RUNX2: variants seen among roughly 807,000 people sequenced by gnomAD.
The protein encoded by RUNX2 is runt-related transcription factor 2.
In RUNX2, 10 loss-of-function variants were observed where a neutral mutation model predicts 51.7. The observed-to-expected ratio is 0.19, with a 90% CI of 0.12 to 0.33. The LOEUF is 0.33. RUNX2 is among the 10% of genes least tolerant of loss of function. RUNX2 has a pLI of 1.00. For synonymous variants in RUNX2, 276 were observed against 273.6 expected (o/e 1.01, Z -0.09); for missense variants, 562 against 691.3 (o/e 0.81, Z 2.10).
At chr6:45,397,326 G>T (rs1328308637) in intron 2 of RUNX2, among the ~76,000 whole-genome samples, 2 of 151,672 alleles carry the variant, frequency 1.3e-5, no homozygotes, top group Admixed American at 6.6e-5. Context: ...AGCCAGGATG[G>T]TCTCGATCTC....
At chr6:45,346,361 G>T (rs1790858393) in intron 2 of RUNX2, among the ~76,000 whole-genome samples, 1 of 152,036 alleles carries the variant, frequency 6.6e-6, no homozygotes, top group Non-Finnish European at 1.5e-5. Context: ...AAACGAAGAA[G>T]GGTGAGAGGG....
chr6:45,380,446 A>G (rs574736179), intron 2 of RUNX2, among the ~76,000 whole-genome samples: 1 of 152,374 alleles, frequency 6.6e-6, no homozygotes, highest in Admixed American at 6.5e-5. Flanking sequence ...GCAAAGAGAA[A>G]GTGCATGTAT....
At chr6:45,372,565 T>C (rs1348593517) in intron 2 of RUNX2, among the ~76,000 whole-genome samples, 1 of 152,224 alleles carries the variant, frequency 6.6e-6, no homozygotes, top group Non-Finnish European at 1.5e-5. Flanking sequence ...GTTATTTTAG[T>C]TTATAAAGTA....
intron 2 of RUNX2, among the ~76,000 whole-genome samples, chr6:45,372,270 T>G (rs189414072): frequency 1.3e-5 from 2 of 152,190 alleles, no homozygotes; most frequent in East Asian, 3.9e-4. Flanking sequence ...ATAGGTTACA[T>G]AAAATAACAT....
intron 2 of RUNX2, chr6:45,365,368 A>G: frequency 9.3e-7 from 1 of 1,071,040 alleles, no homozygotes; most frequent in Non-Finnish European, 1.4e-6. Flanking sequence ...AAAAAAAAAG[A>G]AAGCAAATAT....
intron 2 of RUNX2, among the ~76,000 whole-genome samples, chr6:45,384,920 T>C (rs1230597360): frequency 6.6e-6 from 1 of 151,870 alleles, no homozygotes; most frequent in African/African-American, 2.4e-5. Context: ...CCCAAGCTGA[T>C]CTCAAACCCC....
chr6:45,425,424 A>C (rs1386648580), intron 3 of RUNX2, among the ~76,000 whole-genome samples: 5 of 152,246 alleles, frequency 3.3e-5, no homozygotes, highest in African/African-American at 9.6e-5. Context: ...AATCACACAG[A>C]GTACATTTTT....
chr6:45,349,701 T>A (rs554370925), intron 2 of RUNX2, among the ~76,000 whole-genome samples: 3 of 152,248 alleles, frequency 2.0e-5, no homozygotes, highest in Admixed American at 6.5e-5. Context: ...ATTTCATCAT[T>A]AAAATTATAT....
chr6:45,476,717 A>G (rs1369873582), intron 5 of RUNX2, among the ~76,000 whole-genome samples: 1 of 152,226 alleles, frequency 6.6e-6, no homozygotes, highest in Admixed American at 6.5e-5. Context: ...GCGACCTGGT[A>G]TATAAAATTA....
chr6:45,486,749 A>G (rs951788843), intron 5 of RUNX2, among the ~76,000 whole-genome samples: 1 of 152,156 alleles, frequency 6.6e-6, no homozygotes, highest in Non-Finnish European at 1.5e-5. Context: ...AGAGAATGTA[A>G]GTTTCTGGCT....
At chr6:45,399,026 A>T (rs895265120) in intron 2 of RUNX2, among the ~76,000 whole-genome samples, 10 of 152,236 alleles carry the variant, frequency 6.6e-5, no homozygotes, top group African/African-American at 2.4e-4. Context: ...ATTTCTAGTT[A>T]GGGATAAAAA....
At chr6:45,376,440 T>C (rs1796785085) in intron 2 of RUNX2, among the ~76,000 whole-genome samples, 1 of 152,232 alleles carries the variant, frequency 6.6e-6, no homozygotes, top group Admixed American at 6.5e-5. Flanking sequence ...TTTATTAATT[T>C]ATGAATAAAA....
intron 2 of RUNX2, among the ~76,000 whole-genome samples, chr6:45,343,481 C>T (rs1021605015): frequency 4.6e-5 from 7 of 152,154 alleles, no homozygotes; most frequent in Non-Finnish European, 7.4e-5. Context: ...CTCCAAAAGG[C>T]AGCTTTTCAA....
intron 6 of RUNX2, among the ~76,000 whole-genome samples, chr6:45,493,191 A>T (rs998804212): frequency 6.6e-6 from 1 of 152,200 alleles, no homozygotes; most frequent in Non-Finnish European, 1.5e-5. Flanking sequence ...TTTAGTCGGA[A>T]TGTATGAGTT....
intron 2 of RUNX2, among the ~76,000 whole-genome samples, chr6:45,342,065 AC>A (rs79663736): frequency 0.11 from 17,017 of 152,148 alleles, 1,347 homozygotes; most frequent in East Asian, 0.26. Flanking sequence ...AAAGAAACTA[AC>A]AGAAGAATTT....
Position 45,531,884 on chromosome 6 carries a change from T to C in RUNX2, c.1022-13333T>C, listed in dbSNP as rs117115316. Among the ~76,000 whole-genome samples the C allele has an allele frequency of 6.2e-4, 94 of 152,334 alleles. 1 individual carries two copies. In the East Asian group the frequency reaches 0.018, roughly 28 times the overall value. On this transcript the variant is annotated intron_variant, in intron 7 of 8. Transcript: ENST00000647337. ...GATACAAAAAATCATTTATTTAACTTTGGATAATTCAGATCAAACAATTTG... is the reference window on the plus strand; with the variant it reads ...GATACAAAAAATCATTTATTTAACTCTGGATAATTCAGATCAAACAATTTG...
At chr6:45,410,770 A>G (rs1797932825) in intron 2 of RUNX2, among the ~76,000 whole-genome samples, 1 of 152,138 alleles carries the variant, frequency 6.6e-6, no homozygotes, top group Non-Finnish European at 1.5e-5. Flanking sequence ...AGCCTTGGGA[A>G]CCTACATGTT....
chr6:45,399,504 C>T (rs113214603), intron 2 of RUNX2, among the ~76,000 whole-genome samples: 31 of 151,638 alleles, frequency 2.0e-4, no homozygotes, highest in African/African-American at 6.3e-4. Flanking sequence ...AGATTACAGG[C>T]GTGCACCACC....
chr6:45,510,051 CTT>C (rs751488682), intron 6 of RUNX2, among the ~76,000 whole-genome samples: 2 of 152,190 alleles, frequency 1.3e-5, no homozygotes, highest in Non-Finnish European at 2.9e-5. Flanking sequence ...AGGAATGAAT[CTT>C]TTTCCATCTG....
Sources: gnomAD v4.1 joint callset for allele counts (sites outside exome capture counted in the v4.1 genomes callset) on GRCh38, gnomAD v4.1.1 for gene constraint, MANE v1.5 for transcripts, NCBI Gene and HGNC (gene_info 2026-07-23, HGNC 2026-07-21) for gene names.